Variants in SFT2D3 observed in about 807,000 individuals in gnomAD.
SFT2D3 encodes SFT2 domain containing 3.
For synonymous variants in SFT2D3, 239 were observed against 191.2 expected, an observed-to-expected ratio of 1.25 and a Z score of -2.06; for missense variants, 405 against 334.6, an observed-to-expected ratio of 1.21 and a Z score of -1.64.
chr2:127,702,345 C>G lies in SFT2D3; in HGVS notation c.*169C>G, dbSNP rs1466620541. 1 of 598,992 alleles carries G rather than the reference C, an allele frequency of 1.7e-6. No individual in the cohort carries two copies. Among genetic ancestry groups the G allele is most frequent in the African/African-American group, 2.0e-5 (1 of 50,562 alleles). The allele number at this position is 598,992 out of a possible 1,614,324, so 37.1% of individuals were successfully genotyped here. A position where few individuals can be genotyped will look rare whatever the true frequency, so the allele number is the denominator to read the frequency against. On this transcript the variant is annotated 3_prime_UTR_variant, in exon 1 of 1. Coordinates refer to ENST00000310981, the MANE Select transcript of SFT2D3 (RefSeq NM_032740.4). ...CGGCTGCTGCCAGCGGAGGCGACAG[C>G]AGCGTTGGGAGCTCCTCGATGTCAG...
rs1229961190 is a variant in SFT2D3, at chr2:127,701,984, G to A, written c.456G>A (p.Ala152=). The part of the protein sequence containing the change: ...PSRPALLYMA[A]LGATLFAALG... ...GGCCCGCGCTGCTCTACATGGCAGCGCTGGGCGCCACGCTGTTCGCCGCGC... is the reference window on the plus strand; with the variant it reads ...GGCCCGCGCTGCTCTACATGGCAGCACTGGGCGCCACGCTGTTCGCCGCGC... The change falls in exon 1 of 1, where the codon GCG becomes GCA. Residue 152 remains alanine (A), a synonymous_variant. Coordinates refer to ENST00000310981, the MANE Select transcript of SFT2D3 (RefSeq NM_032740.4). 4 of 1,357,778 alleles carry A rather than the reference G, an allele frequency of 2.9e-6. No homozygotes were observed. Among genetic ancestry groups the A allele is most frequent in the Non-Finnish European group, 3.8e-6 (4 of 1,059,238 alleles). The allele number at this position is 1,357,778 out of a possible 1,614,324, so 84.1% of individuals were successfully genotyped here.
In SFT2D3 at chr2:127,701,610, G is replaced by C; in HGVS notation, c.82G>C (p.Ala28Pro). Residue 28 changes from alanine (A) to proline (P), a missense_variant, in exon 1 of 1, where the codon GCC becomes CCC. Coordinates refer to ENST00000310981, the MANE Select transcript of SFT2D3 (RefSeq NM_032740.4). The part of the protein sequence containing the change: ...GGPAAAEPLL[A>P]AEKAEEPGDR... Reference sequence around the variant, plus strand: ...CCCGGCGGCCGCGGAGCCGCTGCTCGCCGCGGAGAAGGCGGAGGAGCCCGG... The same window carrying C: ...CCCGGCGGCCGCGGAGCCGCTGCTCCCCGCGGAGAAGGCGGAGGAGCCCGG... The C allele has an allele frequency of 1.5e-6, 2 of 1,346,612 alleles. No homozygotes were observed. The highest frequency in any genetic ancestry group is 1.9e-6 in the Non-Finnish European group (2 of 1,050,354). 83.4% of individuals were successfully genotyped at this position (1,346,612 alleles called of 1,614,324 possible). A position where few individuals can be genotyped will look rare whatever the true frequency, so the allele number is the denominator to read the frequency against.
Position 127,704,875 on chromosome 2 carries a change from C to T in SFT2D3, c.*2699C>T. On this transcript the variant is annotated 3_prime_UTR_variant, in exon 1 of 1. Coordinates refer to ENST00000310981, the MANE Select transcript of SFT2D3 (RefSeq NM_032740.4). ...GGCCACAGCAGGTGGACCGCTTGAG[C>T]CCAGGAGTTTGAAACCAGCATAGAC... 1 of 165,250 alleles carries T rather than the reference C, an allele frequency of 6.1e-6. No homozygotes were observed. 10.2% of individuals were successfully genotyped at this position (165,250 alleles called of 1,614,324 possible). A position where few individuals can be genotyped will look rare whatever the true frequency, so the allele number is the denominator to read the frequency against.
At position 127,705,088 on chromosome 2, in the gene SFT2D3, AAAAG is replaced by A. The variant is rs545991451; in HGVS notation, c.*2916_*2919del. 2 of 166,936 alleles carry A rather than the reference AAAAG, an allele frequency of 1.2e-5. No homozygotes were observed. Among genetic ancestry groups the A allele is most frequent in the African/African-American group, 2.4e-5 (1 of 41,440 alleles). The allele number at this position is 166,936 out of a possible 1,614,324, so 10.3% of individuals were successfully genotyped here. A position where few individuals can be genotyped will look rare whatever the true frequency, so the allele number is the denominator to read the frequency against. ...GACTCTGTCAAAAAAGGAAAAGAAAAAAAGAAACTTCCAGCACCACTAAATTTGC... is the reference window on the plus strand; with the variant it reads ...GACTCTGTCAAAAAAGGAAAAGAAAAAAACTTCCAGCACCACTAAATTTGC... On this transcript the variant is annotated 3_prime_UTR_variant, in exon 1 of 1. Coordinates refer to ENST00000310981, the MANE Select transcript of SFT2D3 (RefSeq NM_032740.4). The surrounding 1 kb of genome is among the most constrained non-coding windows in gnomAD (Gnocchi z 4.5).
chr2:127,701,748 G>C lies in SFT2D3; in HGVS notation c.220G>C (p.Gly74Arg), dbSNP rs759027005. ...GACGTGCCTCCCGAGCGTGACGCGCGGGCAGCGGCTGGCGGCGGGCGGCGG... is the reference window on the plus strand; with the variant it reads ...GACGTGCCTCCCGAGCGTGACGCGCCGGCAGCGGCTGGCGGCGGGCGGCGG... ...GLTCLPSVTRGQRLAAGGGCL... is the reference protein window; with the variant it reads ...GLTCLPSVTRRQRLAAGGGCL... The change falls in exon 1 of 1, where the codon GGG (glycine) becomes CGG (arginine). Residue 74 changes from glycine (G) to arginine (R), a missense_variant. Coordinates refer to ENST00000310981, the MANE Select transcript of SFT2D3 (RefSeq NM_032740.4). 6 of 1,415,200 alleles carry C rather than the reference G, an allele frequency of 4.2e-6. No homozygotes were observed. In the South Asian group the frequency reaches 8.4e-5, roughly 20 times the overall value. The allele number at this position is 1,415,200 out of a possible 1,614,324, so 87.7% of individuals were successfully genotyped here.
chr2:127,703,937 G>A lies in SFT2D3; in HGVS notation c.*1761G>A, dbSNP rs1685953077. ...GTTCAAGACCAGCCTGGGCAACACA[G>A]TTAAACCCCATCGCCACAGAAAATC... On this transcript the variant is annotated 3_prime_UTR_variant, in exon 1 of 1. Transcript: ENST00000310981. 6.0e-6 allele frequency: 1 copy of A among 166,774 alleles called. No homozygotes were observed. Among genetic ancestry groups the A allele is most frequent in the Non-Finnish European group, 1.5e-5 (1 of 68,118 alleles). 10.3% of individuals were successfully genotyped at this position (166,774 alleles called of 1,614,324 possible). A position where few individuals can be genotyped will look rare whatever the true frequency, so the allele number is the denominator to read the frequency against.
rs1277370867 is a variant in SFT2D3 at position 127,701,830 on chromosome 2, T to C, written c.302T>C (p.Leu101Ser). 6.9e-7 allele frequency: 1 copy of C among 1,458,534 alleles called. No individual in the cohort carries two copies. The highest frequency in any genetic ancestry group is 9.0e-7 in the Non-Finnish European group (1 of 1,109,694). The allele number at this position is 1,458,534 out of a possible 1,614,324, so 90.3% of individuals were successfully genotyped here. The change falls in exon 1 of 1, where the codon TTG becomes TCG. Residue 101 changes from leucine to serine, a missense_variant. By Grantham distance (145) the Leu-to-Ser change is moderately radical. Transcript: ENST00000310981. ...FGLAALYAPV[L>S]LLRARKFALL... Reference sequence around the variant, plus strand: ...CTAGCCGCGCTCTACGCACCGGTGTTGCTGCTGCGCGCGCGCAAGTTCGCG... The same window carrying C: ...CTAGCCGCGCTCTACGCACCGGTGTCGCTGCTGCGCGCGCGCAAGTTCGCG...
At position 127,704,402 on chromosome 2, in the gene SFT2D3, T is replaced by C. The variant is rs895840070; in HGVS notation, c.*2226T>C. 2 of 167,014 alleles carry C rather than the reference T, an allele frequency of 1.2e-5. No homozygotes were observed. Among genetic ancestry groups the C allele is most frequent in the African/African-American group, 4.8e-5 (2 of 41,438 alleles). The allele number at this position is 167,014 out of a possible 1,614,324, so 10.3% of individuals were successfully genotyped here. A position where few individuals can be genotyped will look rare whatever the true frequency, so the allele number is the denominator to read the frequency against. The stretch of plus-strand genomic sequence containing the variant: ...TAAAGCCCAAAATAATGAAAATTTT[T>C]CCACTAGAATCTCAGGGAAAAAAAG... On this transcript the variant is annotated 3_prime_UTR_variant, in exon 1 of 1. Coordinates refer to ENST00000310981, the MANE Select transcript of SFT2D3 (RefSeq NM_032740.4).
In SFT2D3 at chr2:127,703,566, C is replaced by T. The variant is rs1472607509; in HGVS notation, c.*1390C>T. 1 of 167,094 alleles carries T rather than the reference C, an allele frequency of 6.0e-6. No individual in the cohort carries two copies. The highest frequency in any genetic ancestry group is 1.5e-5 in the Non-Finnish European group (1 of 68,130). 10.4% of individuals were successfully genotyped at this position (167,094 alleles called of 1,614,324 possible). A position where few individuals can be genotyped will look rare whatever the true frequency, so the allele number is the denominator to read the frequency against. Reference sequence around the variant, plus strand: ...ACACTGTAGGCTTGCAGGCTACCCGCCCTGAGATTTGGTAAAGAACACTGC... The same window carrying T: ...ACACTGTAGGCTTGCAGGCTACCCGTCCTGAGATTTGGTAAAGAACACTGC... On this transcript the variant is annotated 3_prime_UTR_variant, in exon 1 of 1. Transcript: ENST00000310981.
In SFT2D3 at chr2:127,701,758, TGGCGGCG is replaced by T. The variant is rs1030943861; in HGVS notation, c.240_246del (p.Gly81AlafsTer11). The T allele has an allele frequency of 7.6e-5, 108 of 1,422,318 alleles. No homozygotes were observed. The highest frequency in any genetic ancestry group is 2.5e-4 in the Middle Eastern group (1 of 4,002). The allele number at this position is 1,422,318 out of a possible 1,614,324, so 88.1% of individuals were successfully genotyped here. On this transcript the variant is annotated frameshift_variant, in exon 1 of 1. Transcript: ENST00000310981. LOFTEE classifies it low-confidence loss of function (END_TRUNC). ...CCGAGCGTGACGCGCGGGCAGCGGC[TGGCGGCG>T]GGCGGCGGGTGCCTGCTGCTGGCTG...
rs1406371075 is a variant in SFT2D3, at chr2:127,705,180, T to A, written c.*3004T>A. On this transcript the variant is annotated 3_prime_UTR_variant, in exon 1 of 1. Transcript: ENST00000310981. This position sits in a 1 kb window ranked among gnomAD's most constrained non-coding sequence, Gnocchi z 4.5. ...ATGTAATGAAATGTTAAGGTGGCCA[T>A]AGGACAGTCCTTTTAATAAAAGCTT... The A allele has an allele frequency of 6.0e-6, 1 of 167,124 alleles. No individual in the cohort carries two copies. Among genetic ancestry groups the A allele is most frequent in the South Asian group, 2.1e-4 (1 of 4,830 alleles). The allele number at this position is 167,124 out of a possible 1,614,324, so 10.4% of individuals were successfully genotyped here. A position where few individuals can be genotyped will look rare whatever the true frequency, so the allele number is the denominator to read the frequency against.
At position 127,701,707 on chromosome 2, in the gene SFT2D3, C is replaced by A. The variant is rs773717301; in HGVS notation, c.179C>A (p.Ser60Ter). The change falls in exon 1 of 1, where the codon TCG (serine) becomes TAG (stop). Residue 60 changes from serine (S) to a stop codon, truncating the protein, a stop_gained. Coordinates refer to ENST00000310981, the MANE Select transcript of SFT2D3 (RefSeq NM_032740.4). LOFTEE classifies it low-confidence loss of function (END_TRUNC). ...ACGTGGGCGCGGAGCCCTGCGGAGT[C>A]GGCAGCGGCCGGCCTGACGTGCCTC... ...RWTWARSPAE[S>*]AAAGLTCLPS... 6.0e-6 allele frequency: 8 copies of A among 1,327,134 alleles called. No homozygotes were observed. In the African/African-American group the frequency reaches 1.1e-4, roughly 18 times the overall value. 82.2% of individuals were successfully genotyped at this position (1,327,134 alleles called of 1,614,324 possible). A position where few individuals can be genotyped will look rare whatever the true frequency, so the allele number is the denominator to read the frequency against.
At position 127,701,848 on chromosome 2, in the gene SFT2D3, A is replaced by C. The variant is rs1045202832; in HGVS notation, c.320A>C (p.Lys107Thr). The change falls in exon 1 of 1, where the codon AAG becomes ACG. Residue 107 changes from lysine to threonine, a missense_variant. Coordinates refer to ENST00000310981, the MANE Select transcript of SFT2D3 (RefSeq NM_032740.4). ...CCGGTGTTGCTGCTGCGCGCGCGCA[A>C]GTTCGCGCTGCTCTGGTCACTGGGC... ...YAPVLLLRAR[K>T]FALLWSLGSA... 6.9e-7 allele frequency: 1 copy of C among 1,459,574 alleles called. No homozygotes were observed. The highest frequency in any genetic ancestry group is 9.0e-7 in the Non-Finnish European group (1 of 1,110,510). 90.4% of individuals were successfully genotyped at this position (1,459,574 alleles called of 1,614,324 possible).
rs770588621 is a variant in SFT2D3 at position 127,703,427 on chromosome 2, G to A, written c.*1251G>A. ...GATCCCAGTGTTGCCTTAACAGGGTGTCTGTCGTGCCGCAGTAGAGCACTG... is the reference window on the plus strand; with the variant it reads ...GATCCCAGTGTTGCCTTAACAGGGTATCTGTCGTGCCGCAGTAGAGCACTG... On this transcript the variant is annotated 3_prime_UTR_variant, in exon 1 of 1. Transcript: ENST00000310981. 6 of 167,098 alleles carry A rather than the reference G, an allele frequency of 3.6e-5. No homozygotes were observed. Among genetic ancestry groups the A allele is most frequent in the Admixed American group, 1.3e-4 (2 of 15,294 alleles). The allele number at this position is 167,098 out of a possible 1,614,324, so 10.4% of individuals were successfully genotyped here. A position where few individuals can be genotyped will look rare whatever the true frequency, so the allele number is the denominator to read the frequency against.
At position 127,702,348 on chromosome 2, in the gene SFT2D3, C is replaced by A; in HGVS notation, c.*172C>A. ...CTGCTGCCAGCGGAGGCGACAGCAG[C>A]GTTGGGAGCTCCTCGATGTCAGCTT... is the stretch of plus-strand genomic sequence containing the variant. On this transcript the variant is annotated 3_prime_UTR_variant, in exon 1 of 1. Coordinates refer to ENST00000310981, the MANE Select transcript of SFT2D3 (RefSeq NM_032740.4). The A allele has an allele frequency of 1.8e-6, 1 of 543,618 alleles. No homozygotes were observed. The highest frequency in any genetic ancestry group is 2.7e-6 in the Non-Finnish European group (1 of 369,448). The allele number at this position is 543,618 out of a possible 1,614,324, so 33.7% of individuals were successfully genotyped here.
chr2:127,702,259 C>A lies in SFT2D3; in HGVS notation c.*83C>A, dbSNP rs1471457294. 3 of 1,147,008 alleles carry A rather than the reference C, an allele frequency of 2.6e-6. No homozygotes were observed. The highest frequency in any genetic ancestry group is 4.4e-5 in the South Asian group (1 of 22,986). 71.1% of individuals were successfully genotyped at this position (1,147,008 alleles called of 1,614,324 possible). On this transcript the variant is annotated 3_prime_UTR_variant, in exon 1 of 1. Coordinates refer to ENST00000310981, the MANE Select transcript of SFT2D3 (RefSeq NM_032740.4). Reference sequence around the variant, plus strand: ...GCCGGCCGAGCTGAGGACTGCACGCCGCTGTGCGGAAGCCCGTGGCGAAGG... The same window carrying A: ...GCCGGCCGAGCTGAGGACTGCACGCAGCTGTGCGGAAGCCCGTGGCGAAGG...
In SFT2D3 at chr2:127,702,785, GTTGTGTATT is replaced by G; in HGVS notation, c.*611_*619del. On this transcript the variant is annotated 3_prime_UTR_variant, in exon 1 of 1. Coordinates refer to ENST00000310981, the MANE Select transcript of SFT2D3 (RefSeq NM_032740.4). ...GCCTTATAACATGAAAGGAAAATTAGTTGTGTATTTCACGACGAAAGCGACGGACCAAAA... is the reference window on the plus strand; with the variant it reads ...GCCTTATAACATGAAAGGAAAATTAGTCACGACGAAAGCGACGGACCAAAA... 1 of 167,054 alleles carries G rather than the reference GTTGTGTATT, an allele frequency of 6.0e-6. No homozygotes were observed. The allele number at this position is 167,054 out of a possible 1,614,324, so 10.3% of individuals were successfully genotyped here. A position where few individuals can be genotyped will look rare whatever the true frequency, so the allele number is the denominator to read the frequency against.
Position 127,702,280 on chromosome 2 carries a change from G to A in SFT2D3, c.*104G>A, listed in dbSNP as rs1685912121. 9.1e-7 allele frequency: 1 copy of A among 1,094,420 alleles called. No homozygotes were observed. Among genetic ancestry groups the A allele is most frequent in the Non-Finnish European group, 1.1e-6 (1 of 876,180 alleles). The allele number at this position is 1,094,420 out of a possible 1,614,324, so 67.8% of individuals were successfully genotyped here. A position where few individuals can be genotyped will look rare whatever the true frequency, so the allele number is the denominator to read the frequency against. Reference sequence around the variant, plus strand: ...ACGCCGCTGTGCGGAAGCCCGTGGCGAAGGCCCTGCCCTAACAGCCTGCGA... The same window carrying A: ...ACGCCGCTGTGCGGAAGCCCGTGGCAAAGGCCCTGCCCTAACAGCCTGCGA... On this transcript the variant is annotated 3_prime_UTR_variant, in exon 1 of 1. Coordinates refer to ENST00000310981, the MANE Select transcript of SFT2D3 (RefSeq NM_032740.4).
chr2:127,701,506 T>A lies in SFT2D3; in HGVS notation c.-23T>A. 1.6e-6 allele frequency: 2 copies of A among 1,285,612 alleles called. No individual in the cohort carries two copies. Among genetic ancestry groups the A allele is most frequent in the Non-Finnish European group, 2.0e-6 (2 of 1,012,908 alleles). The allele number at this position is 1,285,612 out of a possible 1,614,324, so 79.6% of individuals were successfully genotyped here. On this transcript the variant is annotated 5_prime_UTR_variant, in exon 1 of 1. Transcript: ENST00000310981. ...GCCGGAAGTGAGCCGCAGCTTTTCC[T>A]TTCTGCCACCGCCTTGTCCAAGATG...
Sources: gnomAD v4.1 joint callset for allele counts on GRCh38, gnomAD v4.1.1 for gene constraint, Gnocchi (gnomAD v3.1) non-coding constraint, MANE v1.5 for transcripts, NCBI Gene and HGNC (gene_info 2026-07-23, HGNC 2026-07-21) for gene names.